The following BCL2L13 variants were observed in gnomAD, a reference collection of about 807,000 sequenced individuals.
BCL2L13 encodes BCL2 like 13.
A neutral mutation model predicts 25.8 loss-of-function variants in BCL2L13; 13 were observed. The ratio of observed to expected loss-of-function variants is 0.50; its 90% CI spans 0.33 to 0.80. BCL2L13 has a LOEUF of 0.80. Among genes scored for constraint, BCL2L13 ranks in the 30% least tolerant of loss-of-function variants. The pLI is 0.02. For synonymous variants in BCL2L13, 244 were observed against 230.3 expected, an observed-to-expected ratio of 1.06 and a Z score of -0.54; for missense variants, 504 against 574.9, an observed-to-expected ratio of 0.88 and a Z score of 1.26.
At chr22:17,696,031 C>T (rs1601698530) in intron 4 of BCL2L13, 110 bp from the exon 5 acceptor site, 1 of 662,730 alleles carries the variant, frequency 1.5e-6, no homozygotes, top group Non-Finnish European at 2.7e-6. Context: ...GTTGAATAAT[C>T]TTTGTCAGTT....
intron 5 of BCL2L13, among the ~76,000 whole-genome samples, chr22:17,698,565 A>AC: frequency 6.6e-6 from 1 of 150,546 alleles, no homozygotes; most frequent in Non-Finnish European, 1.5e-5. Context: ...TTAAAAAAAA[A>AC]AAAAAAAAAA....
intron 6 of BCL2L13, among the ~76,000 whole-genome samples, chr22:17,720,081 T>C (rs1418533859): frequency 2.0e-5 from 3 of 151,930 alleles, no homozygotes; most frequent in Non-Finnish European, 2.9e-5. Flanking sequence ...TTCTGGCAAT[T>C]GTAATGTGGT....
chr22:17,666,025 T>A (rs1039948947), intron 2 of BCL2L13, among the ~76,000 whole-genome samples: 2 of 152,114 alleles, frequency 1.3e-5, no homozygotes, highest in Non-Finnish European at 2.9e-5. Flanking sequence ...ATATATTTTG[T>A]TTTATAAGGA....
rs547269583 is a variant in BCL2L13, at chr22:17,645,061, G to A, written c.-51+6175G>A. On this transcript the variant is annotated intron_variant, in intron 1 of 6. Transcript: ENST00000317582. ...CCTAACCTCGTGATCCACCCACCTCGGCTTCCCAAAGTGCTGGGATTACAG... is the reference window on the plus strand; with the variant it reads ...CCTAACCTCGTGATCCACCCACCTCAGCTTCCCAAAGTGCTGGGATTACAG... Among the ~76,000 whole-genome samples, 387 of 150,348 alleles carry A rather than the reference G, an allele frequency of 2.6e-3. 1 individual carries two copies. The highest frequency in any genetic ancestry group is 7.0e-3 in the Middle Eastern group (2 of 284).
At position 17,727,192 on chromosome 22, in the gene BCL2L13, T is replaced by C; in HGVS notation, c.1116T>C (p.Pro372=). 1.2e-6 allele frequency: 2 copies of C among 1,614,228 alleles called. No homozygotes were observed. Among genetic ancestry groups the C allele is most frequent in the East Asian group, 4.5e-5 (2 of 44,886 alleles). Residue 372 remains proline (P), a synonymous_variant, in exon 7 of 7, where the codon CCT becomes CCC. Transcript: ENST00000317582. ...TGATCACAGTTGAGAAATCCAGCCC[T>C]GCTACATCTCTGTTTGTAGAACTTG... is the stretch of plus-strand genomic sequence containing the variant. The part of the protein sequence containing the change: ...TEVITVEKSS[P]ATSLFVELDE...
At chr22:17,704,651 T>A (rs2060537738) in intron 6 of BCL2L13, among the ~76,000 whole-genome samples, 1 of 151,854 alleles carries the variant, frequency 6.6e-6, no homozygotes, top group South Asian at 2.1e-4. Context: ...CTGAAGATGA[T>A]GTGGAATGAG....
At chr22:17,647,791 A>G (rs1407333960) in intron 1 of BCL2L13, among the ~76,000 whole-genome samples, 1 of 152,212 alleles carries the variant, frequency 6.6e-6, no homozygotes, top group Admixed American at 6.5e-5. Flanking sequence ...TGCTTTAGAA[A>G]CAGATGTCAC....
In BCL2L13 at chr22:17,645,305, T is replaced by C. The variant is rs1274570991; in HGVS notation, c.-51+6419T>C. Among the ~76,000 whole-genome samples the C allele has an allele frequency of 3.6e-5, 5 of 139,994 alleles. No individual in the cohort carries two copies. In the Admixed American group the frequency reaches 3.9e-4, roughly 11 times the overall value. The allele number at this position is 139,994 out of a possible 152,430, so 91.8% of individuals were successfully genotyped here. On this transcript the variant is annotated intron_variant, in intron 1 of 6. Transcript: ENST00000317582. ...AGTGCAATCTAGGCTCACCGCAACC[T>C]CTGCTTTCTCGGTTCAAGCGATTCT... is the stretch of plus-strand genomic sequence containing the variant.
intron 6 of BCL2L13, among the ~76,000 whole-genome samples, chr22:17,710,067 T>TAAAAAAAA (rs71201876): frequency 5.8e-4 from 53 of 91,794 alleles, no homozygotes; most frequent in Admixed American, 1.1e-3. Context: ...GACCTTGTCT[T>TAAAAAAAA]AAAAAAAAAA....
At chr22:17,695,133 G>C (rs2060225739) in intron 4 of BCL2L13, among the ~76,000 whole-genome samples, 1 of 152,170 alleles carries the variant, frequency 6.6e-6, no homozygotes, top group Non-Finnish European at 1.5e-5. Flanking sequence ...GAAAGAGACT[G>C]GATAATTACA....
chr22:17,638,695 T>C, upstream of BCL2L13: 2 of 1,231,606 alleles, frequency 1.6e-6, no homozygotes, highest in East Asian at 3.2e-5. Flanking sequence ...CCGTTCCGGA[T>C]GTCAGGTAGT....
At chr22:17,663,756 G>A (rs1410114465) in intron 2 of BCL2L13, among the ~76,000 whole-genome samples, 1 of 121,940 alleles carries the variant, frequency 8.2e-6, no homozygotes, top group Non-Finnish European at 1.6e-5. Flanking sequence ...GTGCGATCTT[G>A]GCTCACTGCA....
chr22:17,689,421 CA>C, intron 4 of BCL2L13, among the ~76,000 whole-genome samples: 1 of 152,310 alleles, frequency 6.6e-6, no homozygotes, highest in South Asian at 2.1e-4. Flanking sequence ...GTAGTAAATA[CA>C]AGCTATTTCA....
intron 3 of BCL2L13, among the ~76,000 whole-genome samples, chr22:17,685,009 A>G (rs1030651169): frequency 6.6e-6 from 1 of 152,088 alleles, no homozygotes; most frequent in East Asian, 1.9e-4. Context: ...TGCTGGGATT[A>G]CAGGCATGAG....
intron 1 of BCL2L13, among the ~76,000 whole-genome samples, chr22:17,630,467 A>G (rs995259678): frequency 6.6e-6 from 1 of 151,048 alleles, no homozygotes; most frequent in African/African-American, 2.4e-5. Flanking sequence ...TTTAGTAGAG[A>G]TGAGGTTTCA....
In BCL2L13 at chr22:17,689,265, A is replaced by G. The variant is rs2060035153; in HGVS notation, c.386+123A>G. ...GTCACTTCTTTTCTCACTTTTCTTTACATTTTCTTCATTTTCTTTCCCAAA... is the reference window on the plus strand; with the variant it reads ...GTCACTTCTTTTCTCACTTTTCTTTGCATTTTCTTCATTTTCTTTCCCAAA... On this transcript the variant is annotated intron_variant, in intron 4 of 6. Coordinates refer to ENST00000317582, the MANE Select transcript of BCL2L13 (RefSeq NM_015367.4). The G allele has an allele frequency of 3.6e-6, 3 of 843,906 alleles. No homozygotes were observed. In the South Asian group the frequency reaches 9.5e-5, roughly 27 times the overall value. The allele number at this position is 843,906 out of a possible 1,614,324, so 52.3% of individuals were successfully genotyped here. A position where few individuals can be genotyped will look rare whatever the true frequency, so the allele number is the denominator to read the frequency against.
intron 2 of BCL2L13, among the ~76,000 whole-genome samples, chr22:17,677,969 C>T (rs964152692): frequency 5.9e-5 from 9 of 152,146 alleles, no homozygotes; most frequent in African/African-American, 2.2e-4. Flanking sequence ...TCGCTTGAGC[C>T]TAAGAGGTTG....
Position 17,730,719 on chromosome 22 carries a change from C to T in BCL2L13, c.*3185C>T, listed in dbSNP as rs1224336855. 6.6e-6 allele frequency: 1 copy of T among 152,130 alleles called. No individual in the cohort carries two copies. Among genetic ancestry groups the T allele is most frequent in the African/African-American group, 2.4e-5 (1 of 41,428 alleles). 9.4% of individuals were successfully genotyped at this position (152,130 alleles called of 1,614,324 possible). ...ATACCCATCAAGACGGCCTTGTAGG[C>T]TATCTGATTGCTAACAGACACGACC... On this transcript the variant is annotated 3_prime_UTR_variant, in exon 7 of 7. Transcript: ENST00000317582.
intron 1 of BCL2L13, among the ~76,000 whole-genome samples, chr22:17,629,407 G>A (rs189741013): frequency 2.0e-5 from 3 of 151,730 alleles, no homozygotes; most frequent in Admixed American, 6.6e-5. Context: ...TTATTAGGGT[G>A]GAGCAGCTAC....
Sources: gnomAD v4.1 joint callset for allele counts (sites outside exome capture counted in the v4.1 genomes callset) on GRCh38, gnomAD v4.1.1 for gene constraint, MANE v1.5 for transcripts, NCBI Gene and HGNC (gene_info 2026-07-23, HGNC 2026-07-21) for gene names.